The following TBC1D9B variants were observed in gnomAD, a reference collection of about 807,000 sequenced individuals.
TBC1D9B encodes TBC1 domain family member 9B, also known as TBC1 domain family, member 9B (with GRAM domain).
Under a neutral mutation model 121.1 loss-of-function variants are expected in TBC1D9B, and 87 were observed. The observed-to-expected ratio is 0.72, with a 90% CI of 0.60 to 0.86. The LOEUF is 0.86. Among genes scored for constraint, TBC1D9B ranks in the 40% least tolerant of loss-of-function variants. TBC1D9B has a pLI of 0.00. For synonymous variants in TBC1D9B, 668 were observed against 670.1 expected (o/e 1.00, Z 0.05); for missense variants, 1,540 against 1,628.6 (o/e 0.95, Z 0.94).
intron 3 of TBC1D9B, among the ~76,000 whole-genome samples, chr5:179,898,663 G>C (rs997193976): frequency 2.6e-5 from 4 of 151,310 alleles, no homozygotes; most frequent in African/African-American, 7.3e-5. Flanking sequence ...TGGCCAGGCT[G>C]CTCTTGAACT....
intron 3 of TBC1D9B, among the ~76,000 whole-genome samples, chr5:179,898,984 A>G (rs1447113706): frequency 6.6e-6 from 1 of 152,214 alleles, no homozygotes; most frequent in Non-Finnish European, 1.5e-5. Flanking sequence ...AGCAGCCTCC[A>G]GTGCCCACCC....
intron 2 of TBC1D9B, among the ~76,000 whole-genome samples, chr5:179,901,185 C>T (rs1036613504): frequency 2.0e-5 from 3 of 152,288 alleles, no homozygotes; most frequent in South Asian, 2.1e-4. Flanking sequence ...TCACAAAAGG[C>T]CCCCAGAATT....
intron 17 of TBC1D9B, chr5:179,868,648 C>T (rs1453751288): frequency 2.0e-5 from 3 of 152,272 alleles, no homozygotes; most frequent in African/African-American, 7.2e-5. Flanking sequence ...ACTTGCTGCT[C>T]TCCCTTTGGG....
chr5:179,874,953 T>G lies in TBC1D9B; in HGVS notation c.2135A>C (p.Glu712Ala). Reference protein sequence around the residue: ...VALAVLDANMEQLLGCSDEGE... With the variant: ...VALAVLDANMAQLLGCSDEGE... ...CTCGTCGCTGCAGCCCAGCAGCTGCTCCATGTTGGCGTCCAGGACGGCCAG... is the reference window on the plus strand; with the variant it reads ...CTCGTCGCTGCAGCCCAGCAGCTGCGCCATGTTGGCGTCCAGGACGGCCAG... The change falls in exon 12 of 21, where the codon GAG (glutamate) becomes GCG (alanine). Residue 712 changes from glutamate (E) to alanine (A), a missense_variant. Coordinates refer to ENST00000355235, the MANE Select transcript of TBC1D9B (RefSeq NM_015043.4). The surrounding 1 kb of genome is among the most constrained non-coding windows in gnomAD (Gnocchi z 4.3). 1 of 1,613,706 alleles carries G rather than the reference T, an allele frequency of 6.2e-7. No homozygotes were observed. Among genetic ancestry groups the G allele is most frequent in the Non-Finnish European group, 8.5e-7 (1 of 1,180,018 alleles).
chr5:179,867,626 A>G, intron 18 of TBC1D9B, 152 bp downstream of exon 18: 4 of 1,481,960 alleles, frequency 2.7e-6, no homozygotes, highest in Non-Finnish European at 3.7e-6. Context: ...CCAGCATGGC[A>G]GAGCCCAGCC....
intron 14 of TBC1D9B, 177 bp from the exon 15 acceptor site, chr5:179,871,707 GC>G: frequency 1.7e-6 from 1 of 593,236 alleles, no homozygotes; most frequent in East Asian, 3.0e-5. Context: ...CCCATCCCTG[GC>G]CCCCCACCTA....
In TBC1D9B at chr5:179,885,055, C is replaced by T. The variant is rs1760639496; in HGVS notation, c.1254+3048G>A. ...CACTGTTCCTACCCTTGATGCTCGA[C>T]TCCATCATCTTGTGCCCCTGCTTCT... On this transcript the variant is annotated intron_variant, in intron 7 of 20. Transcript: ENST00000355235. The surrounding 1 kb of genome is among the most constrained non-coding windows in gnomAD (Gnocchi z 4.5). Among the ~76,000 whole-genome samples, 1 of 152,158 alleles carries T rather than the reference C, an allele frequency of 6.6e-6. No individual in the cohort carries two copies. Among genetic ancestry groups the T allele is most frequent in the Admixed American group, 6.5e-5 (1 of 15,284 alleles).
In TBC1D9B at chr5:179,907,284, C is replaced by T. The variant is rs1383965086; in HGVS notation, c.118+420G>A. ...AGAAGAGGGCAAAAGAAAACGTGCG[C>T]TGGCGTCACCTGGCCCCTTAGAGGC... On this transcript the variant is annotated intron_variant, in intron 1 of 20. Transcript: ENST00000355235. This position sits in a 1 kb window ranked among gnomAD's most constrained non-coding sequence, Gnocchi z 5.3. Among the ~76,000 whole-genome samples, 1 of 152,146 alleles carries T rather than the reference C, an allele frequency of 6.6e-6. No homozygotes were observed. Among genetic ancestry groups the T allele is most frequent in the Non-Finnish European group, 1.5e-5 (1 of 68,018 alleles).
chr5:179,879,592 T>G, intron 8 of TBC1D9B, 36 bp downstream of exon 8: 1 of 1,613,236 alleles, frequency 6.2e-7, no homozygotes, highest in African/African-American at 1.3e-5. Flanking sequence ...GGCTCCGCTC[T>G]TGACGGAGGC....
At chr5:179,872,792 G>A in intron 14 of TBC1D9B, 100 bp downstream of exon 14, 2 of 1,139,306 alleles carry the variant, frequency 1.8e-6, no homozygotes, top group East Asian at 2.4e-5. Context: ...AGCAGTGTAG[G>A]AGACTGGGTG....
At chr5:179,881,975 T>A (rs1760556990) in intron 7 of TBC1D9B, among the ~76,000 whole-genome samples, 2 of 151,018 alleles carry the variant, frequency 1.3e-5, no homozygotes, top group Non-Finnish European at 3.0e-5. Context: ...GATGGAGTCT[T>A]GCTCTGTCAC....
At position 179,899,184 on chromosome 5, in the gene TBC1D9B, C is replaced by G; in HGVS notation, c.348+5G>C. The G allele has an allele frequency of 6.3e-7, 1 of 1,593,964 alleles. No homozygotes were observed. The stretch of plus-strand genomic sequence containing the variant: ...TGAGAACAGAGAGTGGCGGGTAAAC[C>G]TTACGTGTATCTTGCCCTTGACGAA... On this transcript the variant is annotated splice_donor_5th_base_variant and intron_variant, in intron 3 of 20. Transcript: ENST00000355235.
chr5:179,875,013 A>G lies in TBC1D9B; in HGVS notation c.2075T>C (p.Phe692Ser), dbSNP rs143590140. The change falls in exon 12 of 21, where the codon TTC (phenylalanine) becomes TCC (serine). Residue 692 changes from phenylalanine (F) to serine (S), a missense_variant. Transcript: ENST00000355235. This position sits in a 1 kb window ranked among gnomAD's most constrained non-coding sequence, Gnocchi z 4.5. ...ESAVVIVDCF[F>S]YEGIKVILQV... ...CAGGATCACCTTGATGCCCTCATAG[A>G]AAAAGCAGTCGACGATGACCACGGC... 247 of 1,613,926 alleles carry G rather than the reference A, an allele frequency of 1.5e-4. No homozygotes were observed. Among genetic ancestry groups the G allele is most frequent in the Non-Finnish European group, 2.0e-4 (233 of 1,180,046 alleles).
intron 10 of TBC1D9B, among the ~76,000 whole-genome samples, chr5:179,877,070 C>CAAAAA (rs58537646): frequency 4.1e-4 from 14 of 34,140 alleles, no homozygotes; most frequent in African/African-American, 1.0e-3. Flanking sequence ...GATCCTGTCT[C>CAAAAA]AAAAAAAAAA....
chr5:179,885,445 C>T lies in TBC1D9B; in HGVS notation c.1254+2658G>A, dbSNP rs1032139669. ...TCTCTACTAAAAATACAAAATAAGC[C>T]GGGCGTGGTGGTGGACGCCTGTAAT... On this transcript the variant is annotated intron_variant, in intron 7 of 20. Transcript: ENST00000355235. This position sits in a 1 kb window ranked among gnomAD's most constrained non-coding sequence, Gnocchi z 4.5. Among the ~76,000 whole-genome samples, 20 of 151,928 alleles carry T rather than the reference C, an allele frequency of 1.3e-4. No homozygotes were observed. The highest frequency in any genetic ancestry group is 4.4e-4 in the African/African-American group (18 of 41,346).
chr5:179,882,003 G>A (rs1367329484), intron 7 of TBC1D9B, among the ~76,000 whole-genome samples: 1 of 145,460 alleles, frequency 6.9e-6, no homozygotes, highest in Non-Finnish European at 1.5e-5. Flanking sequence ...GGAGTACAGA[G>A]GTGTGATCTC....
chr5:179,904,220 CTTTTTTTTTT>C lies in TBC1D9B; in HGVS notation c.229+472_229+481del, dbSNP rs550418299. Among the ~76,000 whole-genome samples, 1 of 80,898 alleles carries C rather than the reference CTTTTTTTTTT, an allele frequency of 1.2e-5. No individual in the cohort carries two copies. The highest frequency in any genetic ancestry group is 2.3e-5 in the Non-Finnish European group (1 of 43,630). 53.1% of individuals were successfully genotyped at this position (80,898 alleles called of 152,430 possible). On this transcript the variant is annotated intron_variant, in intron 2 of 20. Transcript: ENST00000355235. The surrounding 1 kb of genome is among the most constrained non-coding windows in gnomAD (Gnocchi z 4.2). ...CTGTCCCCATGACCAGTGGAGCTGC[CTTTTTTTTTT>C]TTTTTTTTTTTTGAGACGGAATCTC...
In TBC1D9B at chr5:179,865,291, T is replaced by C; in HGVS notation, c.2984A>G (p.Gln995Arg). The C allele has an allele frequency of 3.1e-6, 5 of 1,614,184 alleles. No homozygotes were observed. Among genetic ancestry groups the C allele is most frequent in the Non-Finnish European group, 4.2e-6 (5 of 1,180,042 alleles). Residue 995 changes from glutamine (Q) to arginine (R), a missense_variant, in exon 20 of 21, where the codon CAG becomes CGG. Coordinates refer to ENST00000355235, the MANE Select transcript of TBC1D9B (RefSeq NM_015043.4). This position sits in a 1 kb window ranked among gnomAD's most constrained non-coding sequence, Gnocchi z 5.1. ...LRMWAKEKEA[Q>R]KETIKDLPKM... Reference sequence around the variant, plus strand: ...GGGAAGATCCTTAATCGTCTCCTTCTGAGCCTCTTTCTCCTTGGCCCACAT... The same window carrying C: ...GGGAAGATCCTTAATCGTCTCCTTCCGAGCCTCTTTCTCCTTGGCCCACAT...
chr5:179,862,398 C>T lies in TBC1D9B; in HGVS notation c.*1050G>A. 5.5e-6 allele frequency: 2 copies of T among 364,520 alleles called. No homozygotes were observed. The highest frequency in any genetic ancestry group is 6.0e-5 in the Admixed American group (2 of 33,290). The allele number at this position is 364,520 out of a possible 1,614,324, so 22.6% of individuals were successfully genotyped here. Reference sequence around the variant, plus strand: ...CAGCCCTGGGGCCCCCTGCGGTCACCTTTGGCTCCACAGTCTGGTTCTTGA... The same window carrying T: ...CAGCCCTGGGGCCCCCTGCGGTCACTTTTGGCTCCACAGTCTGGTTCTTGA... On this transcript the variant is annotated 3_prime_UTR_variant, in exon 21 of 21. Coordinates refer to ENST00000355235, the MANE Select transcript of TBC1D9B (RefSeq NM_015043.4).
Sources: allele counts gnomAD v4.1 joint callset (sites outside exome capture counted in the v4.1 genomes callset), GRCh38; gene constraint gnomAD v4.1.1; non-coding constraint Gnocchi (gnomAD v3.1); transcripts MANE v1.5; gene names NCBI Gene and HGNC (gene_info 2026-07-23, HGNC 2026-07-21).